Variants in ZNF560 observed in about 807,000 individuals in gnomAD.
ZNF560 encodes zinc finger protein 560.
Under a neutral mutation model 81.8 loss-of-function variants are expected in ZNF560, and 54 were observed. The observed-to-expected ratio is 0.66, with a 90% confidence interval of 0.53 to 0.83. The LOEUF (loss-of-function observed/expected upper bound fraction) is 0.83. Ranked by LOEUF, ZNF560 falls within the 40% of genes least tolerant of loss-of-function variation. The probability of loss-of-function intolerance (pLI) is 0.00; values close to 1 mark genes in which losing one functional copy is unlikely to be tolerated. For synonymous variants in ZNF560, 321 were observed against 317.9 expected (o/e 1.01, Z -0.10); for missense variants, 940 against 932.4 (o/e 1.01, Z -0.11).
At chr19:9,446,365 TACACACACACACACACACAC>T in the ZNF560 span, among the ~76,000 whole-genome samples, 22 of 145,246 alleles carry the variant, frequency 1.5e-4, no homozygotes, top group Non-Finnish European at 2.6e-4. Flanking sequence ...TGCCAAGTCA[TACACACACACACACACACAC>T]ACACACACAC....
chr19:9,492,334 A>G (rs531466537), intron 2 of ZNF560, among the ~76,000 whole-genome samples: 2 of 152,290 alleles, frequency 1.3e-5, no homozygotes, highest in South Asian at 4.1e-4. Context: ...CTTCACTGGA[A>G]TAGACTCGTG....
the ZNF560 span, among the ~76,000 whole-genome samples, chr19:9,461,351 G>A: frequency 1.3e-5 from 2 of 152,166 alleles, no homozygotes; most frequent in Non-Finnish European, 2.9e-5. Context: ...AGCAGTGAGA[G>A]CTCAAGAAGG....
upstream of ZNF560, among the ~76,000 whole-genome samples, chr19:9,501,230 G>T (rs2073630090): frequency 2.7e-5 from 4 of 145,482 alleles, no homozygotes; most frequent in African/African-American, 1.0e-4. Context: ...CACAATCTTG[G>T]CTCAATGCAG....
chr19:9,471,744 A>T (rs976702352), intron 5 of ZNF560, among the ~76,000 whole-genome samples: 1 of 152,260 alleles, frequency 6.6e-6, no homozygotes, highest in African/African-American at 2.4e-5. Context: ...TTTAAAGAGT[A>T]TCAAAAATTG....
At chr19:9,499,175 C>A (rs73002112), upstream of ZNF560, among the ~76,000 whole-genome samples, 15,392 of 149,012 alleles carry the variant, frequency 0.1, 916 homozygotes, top group South Asian at 0.2. Context: ...TTTTTCTTTT[C>A]TTTTCTTTTT....
At chr19:9,481,860 G>T (rs1034425221) in intron 2 of ZNF560, among the ~76,000 whole-genome samples, 1 of 152,230 alleles carries the variant, frequency 6.6e-6, no homozygotes, top group East Asian at 1.9e-4. Flanking sequence ...GTGGAAGACA[G>T]TGTGGCAATT....
At chr19:9,493,421 G>A (rs1286078109) in intron 2 of ZNF560, among the ~76,000 whole-genome samples, 1 of 152,218 alleles carries the variant, frequency 6.6e-6, no homozygotes, top group East Asian at 1.9e-4. Context: ...CAGGAGTGCA[G>A]TTGTGCCATC....
chr19:9,470,700 A>T (rs1029196415), intron 6 of ZNF560, among the ~76,000 whole-genome samples, 182 bp from the exon 7 acceptor site: 4 of 152,238 alleles, frequency 2.6e-5, no homozygotes, highest in African/African-American at 9.6e-5. Flanking sequence ...ATTTCCTCCA[A>T]TAACATGGCT....
At chr19:9,488,011 A>G (rs1370271667) in intron 2 of ZNF560, among the ~76,000 whole-genome samples, 1 of 152,196 alleles carries the variant, frequency 6.6e-6, no homozygotes, top group Non-Finnish European at 1.5e-5. Flanking sequence ...GGTCCTCAAT[A>G]TCACAGCACT....
chr19:9,448,238 G>C, the ZNF560 span, among the ~76,000 whole-genome samples: 1 of 151,304 alleles, frequency 6.6e-6, no homozygotes, highest in Non-Finnish European at 1.5e-5. Context: ...CGGGGGGTTT[G>C]TTTGTTTGTT....
intron 2 of ZNF560, among the ~76,000 whole-genome samples, chr19:9,494,130 C>CAAAAAA (rs891546578): frequency 3.0e-5 from 2 of 67,230 alleles, no homozygotes; most frequent in Non-Finnish European, 3.2e-5. Context: ...GACTCCATCT[C>CAAAAAA]AAAAAAAAAA....
chr19:9,478,495 G>C (rs2073236532), intron 2 of ZNF560, among the ~76,000 whole-genome samples: 1 of 151,792 alleles, frequency 6.6e-6, no homozygotes, highest in Non-Finnish European at 1.5e-5. Flanking sequence ...AGCTAATTCA[G>C]AATACTCAAA....
chr19:9,450,952 A>G, the ZNF560 span, among the ~76,000 whole-genome samples: 1 of 152,238 alleles, frequency 6.6e-6, no homozygotes, highest in Admixed American at 6.5e-5. Context: ...AGTTTCTGCA[A>G]GAAGAACTAC....
chr19:9,465,575 AAGTGAAC>A (rs541786030), downstream of ZNF560, among the ~76,000 whole-genome samples: 315 of 152,316 alleles, frequency 2.1e-3, no homozygotes, highest in African/African-American at 7.4e-3. Flanking sequence ...CCTATCTTTG[AAGTGAAC>A]AGGGACAAAT....
intron 2 of ZNF560, among the ~76,000 whole-genome samples, chr19:9,480,749 G>A (rs1379722786): frequency 1.3e-5 from 2 of 151,938 alleles, no homozygotes; most frequent in South Asian, 2.1e-4. Context: ...AGGCCAGCCT[G>A]AGCAACATAG....
At chr19:9,451,112 GA>G in the ZNF560 span, among the ~76,000 whole-genome samples, 15,226 of 150,476 alleles carry the variant, frequency 0.1, 907 homozygotes, top group South Asian at 0.2. Flanking sequence ...CAAAGAATTA[GA>G]AAAAAAAACT....
chr19:9,458,084 G>A, the ZNF560 span, among the ~76,000 whole-genome samples: 38 of 152,084 alleles, frequency 2.5e-4, no homozygotes, highest in African/African-American at 6.8e-4. Flanking sequence ...TATTTGGATC[G>A]AATTGCTACT....
intron 2 of ZNF560, among the ~76,000 whole-genome samples, chr19:9,492,843 T>A (rs180712363): frequency 6.6e-6 from 1 of 152,140 alleles, no homozygotes; most frequent in African/African-American, 2.4e-5. Flanking sequence ...TTGCTTCCAA[T>A]CCCAGCAATG....
At chr19:9,445,949 C>G in the ZNF560 span, among the ~76,000 whole-genome samples, 1 of 152,122 alleles carries the variant, frequency 6.6e-6, no homozygotes, top group Non-Finnish European at 1.5e-5. Context: ...CTCATTGCCA[C>G]CACAGGATTG....
Sources: allele counts gnomAD v4.1 joint callset (sites outside exome capture counted in the v4.1 genomes callset), GRCh38; gene constraint gnomAD v4.1.1; transcripts MANE v1.5; gene names NCBI Gene and HGNC (gene_info 2026-07-23, HGNC 2026-07-21).